The following AKAP8 variants were observed in gnomAD, a reference collection of about 807,000 sequenced individuals.
The protein encoded by AKAP8 is A-kinase anchor protein 8.
A neutral mutation model predicts 67.5 loss-of-function variants in AKAP8; 24 were observed. That is an observed-to-expected ratio of 0.36 (90% confidence interval 0.26 to 0.50). AKAP8 has a LOEUF of 0.50. Among genes scored for constraint, AKAP8 ranks in the 20% least tolerant of loss-of-function variants. AKAP8 has a pLI of 0.97. For missense variants in AKAP8, 971 were observed against 955.9 expected, an observed-to-expected ratio of 1.02 and a Z score of -0.21; for synonymous variants, 400 against 371.1, an observed-to-expected ratio of 1.08 and a Z score of -0.90.
chr19:15,379,685 C>G (rs767384506), intron 1 of AKAP8, 28 bp downstream of exon 1: 30 of 1,605,050 alleles, frequency 1.9e-5, no homozygotes, highest in Non-Finnish European at 2.5e-5. Context: ...CTTCCCTCCC[C>G]GCTCCGCACC....
chr19:15,371,204 T>G (rs1967151595), intron 7 of AKAP8, among the ~76,000 whole-genome samples: 1 of 152,044 alleles, frequency 6.6e-6, no homozygotes, highest in Admixed American at 6.6e-5. Flanking sequence ...GCCCTACACC[T>G]CCAACTTGGA....
intron 1 of AKAP8, among the ~76,000 whole-genome samples, chr19:15,378,537 C>G (rs1356512938): frequency 6.6e-6 from 1 of 152,200 alleles, no homozygotes. Flanking sequence ...GTGAAATCTA[C>G]CCAGGCTGCG....
chr19:15,362,504 C>G (rs1283663334), intron 9 of AKAP8, among the ~76,000 whole-genome samples: 1 of 151,920 alleles, frequency 6.6e-6, no homozygotes, highest in African/African-American at 2.4e-5. Flanking sequence ...ATTGCAGGCG[C>G]GCGCCGCCAC....
At chr19:15,362,384 C>CCCACGGTCGCCCTCTCCCTCTCTTT in intron 9 of AKAP8, 133 bp from the exon 10 acceptor site, 1 of 483,434 alleles carries the variant, frequency 2.1e-6, no homozygotes, top group Non-Finnish European at 3.3e-6. Flanking sequence ...TCTCCCTCTC[C>CCCACGGTCGCCCTCTCCCTCTCTTT]CCACGGTCTC....
chr19:15,362,082 G>A (rs756031545), intron 10 of AKAP8, 28 bp downstream of exon 10: 64 of 1,612,028 alleles, frequency 4.0e-5, no homozygotes, highest in Non-Finnish European at 5.0e-5. Context: ...GGCAAGAGAC[G>A]CGGTGACGGG....
At chr19:15,363,624 C>G (rs1967018019) in intron 9 of AKAP8, among the ~76,000 whole-genome samples, 2 of 151,450 alleles carry the variant, frequency 1.3e-5, no homozygotes, top group South Asian at 2.1e-4. Flanking sequence ...GTGAGGAGCC[C>G]CTCTGCCCAG....
At position 15,377,138 on chromosome 19, in the gene AKAP8, C is replaced by G. The variant is rs1199496104; in HGVS notation, c.20-124G>C. On this transcript the variant is annotated intron_variant, in intron 1 of 13. Transcript: ENST00000269701. Reference sequence around the variant, plus strand: ...AGCCTTAGAAGAAGGAAGACTCCCCCCCACCCCACCAAAAAAAAGCCATCA... The same window carrying G: ...AGCCTTAGAAGAAGGAAGACTCCCCGCCACCCCACCAAAAAAAAGCCATCA... 4.7e-6 allele frequency: 5 copies of G among 1,065,984 alleles called. 1 individual carries two copies. The highest frequency in any genetic ancestry group is 2.7e-5 in the Admixed American group (1 of 36,870). 66.0% of individuals were successfully genotyped at this position (1,065,984 alleles called of 1,614,324 possible).
intron 4 of AKAP8, 138 bp from the exon 5 acceptor site, chr19:15,373,478 C>T (rs1012950444): frequency 3.9e-6 from 5 of 1,286,142 alleles, no homozygotes; most frequent in African/African-American, 1.5e-5. Flanking sequence ...CTGGGATGAC[C>T]AAAACTGACC....
intron 6 of AKAP8, 94 bp downstream of exon 6, chr19:15,372,124 C>G: frequency 6.2e-7 from 1 of 1,607,058 alleles, no homozygotes; most frequent in Non-Finnish European, 8.5e-7. Context: ...ATGCCACCTG[C>G]GAGTGTCCAC....
Position 15,373,211 on chromosome 19 carries a change from C to T in AKAP8, c.501G>A (p.Gly167=). The change falls in exon 5 of 14, where the codon GGG becomes GGA. Residue 167 remains glycine, a synonymous_variant. Transcript: ENST00000269701. Reference sequence around the variant, plus strand: ...GGTCTCGGCATTCACTGTACTGCCCCCCAAAGCTGCCATTGCGGTCGGACC... The same window carrying T: ...GGTCTCGGCATTCACTGTACTGCCCTCCAAAGCTGCCATTGCGGTCGGACC... ...DLGSDRNGSF[G]GQYSECRDPA... is the part of the protein sequence containing the mutation. 1.2e-6 allele frequency: 2 copies of T among 1,613,898 alleles called. No homozygotes were observed. The highest frequency in any genetic ancestry group is 1.7e-6 in the Non-Finnish European group (2 of 1,180,014).
At chr19:15,371,385 G>C (rs904305171) in intron 7 of AKAP8, among the ~76,000 whole-genome samples, 1 of 152,196 alleles carries the variant, frequency 6.6e-6, no homozygotes, top group Non-Finnish European at 1.5e-5. Context: ...CCTCCAGCCT[G>C]TGCTTGGAGG....
Position 15,372,902 on chromosome 19 carries a change from G to A in AKAP8, c.810C>T (p.Thr270=), listed in dbSNP as rs760543758. The part of the protein sequence containing the change: ...GMQGAGGYDS[T]MPYGCGRSQP... ...GCGAGCGGCCACATCCGTAGGGCAT[G>A]GTGCTGTCATAGCCGCCCGCCCCCT... is the stretch of plus-strand genomic sequence containing the variant. The change falls in exon 5 of 14, where the codon ACC becomes ACT. Residue 270 remains threonine (T), a synonymous_variant. Coordinates refer to ENST00000269701, the MANE Select transcript of AKAP8 (RefSeq NM_005858.4). 3.4e-5 allele frequency: 51 copies of A among 1,515,164 alleles called. No individual in the cohort carries two copies. The highest frequency in any genetic ancestry group is 4.5e-5 in the Non-Finnish European group (51 of 1,132,282). 93.9% of individuals were successfully genotyped at this position (1,515,164 alleles called of 1,614,324 possible).
At position 15,367,166 on chromosome 19, in the gene AKAP8, A is replaced by G. The variant is rs537882317; in HGVS notation, c.1160+1069T>C. On this transcript the variant is annotated intron_variant, in intron 9 of 13. Transcript: ENST00000269701. ...AAGCGATCCGCCAGCTCAGCCTTCC[A>G]AAGTGCTGGAATTACATGTGTGAGC... is the stretch of plus-strand genomic sequence containing the variant. Among the ~76,000 whole-genome samples, 20 of 152,328 alleles carry G rather than the reference A, an allele frequency of 1.3e-4. 1 individual carries two copies. The South Asian group carries it at 3.9e-3, about 30-fold the overall frequency.
Position 15,373,943 on chromosome 19 carries a change from C to A in AKAP8, c.214G>T (p.Ala72Ser). 6.2e-7 allele frequency: 1 copy of A among 1,613,704 alleles called. No individual in the cohort carries two copies. Among genetic ancestry groups the A allele is most frequent in the Non-Finnish European group, 8.5e-7 (1 of 1,179,836 alleles). Reference sequence around the variant, plus strand: ...TAAGAGGCCATGTGCATGGCAGGGGCCCCGGCCGCCAGGCCGCCATCATTG... The same window carrying A: ...TAAGAGGCCATGTGCATGGCAGGGGACCCGGCCGCCAGGCCGCCATCATTG... Reference protein sequence around the residue: ...KANDGGLAAGAPAMHMASYGP... With the variant: ...KANDGGLAAGSPAMHMASYGP... The change falls in exon 4 of 14, where the codon GCC becomes TCC. Residue 72 changes from alanine (A) to serine (S), a missense_variant. Physicochemically the swap from Ala to Ser is moderately conservative, Grantham distance 99. Transcript: ENST00000269701.
chr19:15,372,250 C>A lies in AKAP8; in HGVS notation c.959G>T (p.Arg320Leu), dbSNP rs115439396. ...LYEEPDTKLA[R>L]VDSEGDFSEN... Reference sequence around the variant, plus strand: ...GGAGAAATCTCCTTCACTGTCAACCCGGGCCAGTTTGGTGTCTGGCTCCTC... The same window carrying A: ...GGAGAAATCTCCTTCACTGTCAACCAGGGCCAGTTTGGTGTCTGGCTCCTC... Residue 320 changes from arginine to leucine, a missense_variant, in exon 6 of 14, where the codon CGG (arginine) becomes CTG (leucine). Around this residue, in one of 3 missense-constraint regions of AKAP8, gnomAD observed 763 missense variants for 745.4 expected, o/e 1.02. Transcript: ENST00000269701. 118 of 1,614,222 alleles carry A rather than the reference C, an allele frequency of 7.3e-5. 1 individual carries two copies. The South Asian group carries it at 1.2e-3, about 17-fold the overall frequency.
intron 7 of AKAP8, among the ~76,000 whole-genome samples, chr19:15,371,511 C>T (rs376161168): frequency 6.7e-6 from 1 of 148,868 alleles, no homozygotes; most frequent in East Asian, 2.0e-4. Context: ...TTTTTTGAGA[C>T]GGAGTCTCCC....
At chr19:15,356,738 T>TACAGTG (rs1271534881) in intron 13 of AKAP8, among the ~76,000 whole-genome samples, 4 of 147,112 alleles carry the variant, frequency 2.7e-5, no homozygotes, top group Non-Finnish European at 6.0e-5. Flanking sequence ...TAGGGCAAGG[T>TACAGTG]GCTCACGCCT....
intron 7 of AKAP8, among the ~76,000 whole-genome samples, chr19:15,371,150 C>A (rs1967150407): frequency 6.6e-6 from 1 of 152,180 alleles, no homozygotes; most frequent in Admixed American, 6.5e-5. Flanking sequence ...CTGTGTGACT[C>A]TAAGGACTTG....
At chr19:15,366,089 TTTTTTTTTTTAA>T (rs1967063282) in intron 9 of AKAP8, among the ~76,000 whole-genome samples, 1 of 145,726 alleles carries the variant, frequency 6.9e-6, no homozygotes, top group Admixed American at 6.8e-5. Flanking sequence ...AAGGTTTCTT[TTTTTTTTTTTAA>T]AAAAAGTCAC....
Sources: gnomAD v4.1 joint callset for allele counts (sites outside exome capture counted in the v4.1 genomes callset) on GRCh38, gnomAD v4.1.1 for gene constraint, gnomAD v4.1.1 regional missense constraint, MANE v1.5 for transcripts, NCBI Gene and HGNC (gene_info 2026-07-23, HGNC 2026-07-21) for gene names.